Variants in DCLK1 observed in about 807,000 individuals in gnomAD.
DCLK1 encodes the protein doublecortin like kinase 1.
Under a neutral mutation model 86.2 loss-of-function variants are expected in DCLK1, and 16 were observed. The ratio of observed to expected loss-of-function variants is 0.19; its 90% CI spans 0.13 to 0.28. The LOEUF is 0.28. Among genes scored for constraint, DCLK1 ranks in the 10% least tolerant of loss-of-function variants. DCLK1 has a pLI of 1.00. For missense variants in DCLK1, 590 were observed against 940.2 expected, an observed-to-expected ratio of 0.63 and a Z score of 4.87; for synonymous variants, 369 against 370.5, an observed-to-expected ratio of 1.00 and a Z score of 0.05.
intron 4 of DCLK1, among the ~76,000 whole-genome samples, chr13:35,918,892 G>GTTTTTTTTTGTTTTT (rs1875603902): frequency 2.6e-5 from 2 of 76,324 alleles, no homozygotes; most frequent in South Asian, 5.9e-4. Flanking sequence ...TTCTGAGTGT[G>GTTTTTTTTTGTTTTT]TTTTTTTTTT....
chr13:35,895,297 A>C (rs1456376908), intron 4 of DCLK1, among the ~76,000 whole-genome samples: 1 of 152,066 alleles, frequency 6.6e-6, no homozygotes, highest in African/African-American at 2.4e-5. Context: ...TAAAAAAAAA[A>C]AAAAATTAGA....
At chr13:35,888,694 T>C (rs1421449500) in intron 4 of DCLK1, among the ~76,000 whole-genome samples, 2 of 152,234 alleles carry the variant, frequency 1.3e-5, no homozygotes, top group African/African-American at 4.8e-5. Context: ...CCAAGACGCC[T>C]GAAATCAGAT....
rs530473017 is a variant in DCLK1 at position 36,023,684 on chromosome 13, A to G, written c.724-76227T>C. The stretch of plus-strand genomic sequence containing the variant: ...GAAAAAAACCCACTTGAGCATCTCA[A>G]TATAAGTAGAAAAACCATCTGAGAA... On this transcript the variant is annotated intron_variant, in intron 3 of 16. Transcript: ENST00000360631. 1.7e-3 allele frequency among the ~76,000 whole-genome samples: 256 copies of G among 152,294 alleles called. 1 individual carries two copies. The highest frequency in any genetic ancestry group is 5.9e-3 in the African/African-American group (245 of 41,574).
rs546862096 is a variant in DCLK1 at position 35,937,905 on chromosome 13, G to A, written c.823+9453C>T. Among the ~76,000 whole-genome samples the A allele has an allele frequency of 8.2e-4, 124 of 152,132 alleles. 1 individual carries two copies. Among genetic ancestry groups the A allele is most frequent in the Non-Finnish European group, 1.4e-3 (95 of 68,022 alleles). ...TGTGGTTTGGTGAGATGACAGAGAT[G>A]ACTGGAGGCTCTTTTAGGATAGGAG... On this transcript the variant is annotated intron_variant, in intron 4 of 16. Transcript: ENST00000360631.
chr13:35,779,278 T>G (rs576569498), intron 16 of DCLK1, among the ~76,000 whole-genome samples: 33 of 152,290 alleles, frequency 2.2e-4, no homozygotes, highest in South Asian at 1.2e-3. Context: ...GCCCGGCCAA[T>G]TTATTTATTC....
intron 3 of DCLK1, among the ~76,000 whole-genome samples, chr13:36,049,192 A>T (rs1229686663): frequency 6.6e-6 from 1 of 152,164 alleles, no homozygotes; most frequent in Non-Finnish European, 1.5e-5. Context: ...TGATTATGAG[A>T]TGCAGGATTG....
chr13:35,901,491 C>CAAAAAAAAA lies in DCLK1; in HGVS notation c.824-30160_824-30152dup, dbSNP rs58801666. Among the ~76,000 whole-genome samples, 10 of 45,876 alleles carry CAAAAAAAAA rather than the reference C, an allele frequency of 2.2e-4. 2 individuals are homozygous for CAAAAAAAAA. The highest frequency in any genetic ancestry group is 1.9e-3 in the South Asian group (1 of 524). The allele number at this position is 45,876 out of a possible 152,430, so 30.1% of individuals were successfully genotyped here. ...GGTGACAGAGTGAGAGACTCTGTCT[C>CAAAAAAAAA]AAAAAAAAAAAAAAAAAAAAAAAAA... On this transcript the variant is annotated intron_variant, in intron 4 of 16. Coordinates refer to ENST00000360631, the MANE Select transcript of DCLK1 (RefSeq NM_001330071.2).
chr13:36,053,364 G>C (rs1220749175), intron 3 of DCLK1, among the ~76,000 whole-genome samples: 2 of 152,046 alleles, frequency 1.3e-5, no homozygotes, highest in African/African-American at 4.8e-5. Context: ...AAGTCAAGTA[G>C]AACAAGGGCT....
At position 35,893,488 on chromosome 13, in the gene DCLK1, C is replaced by T. The variant is rs144070605; in HGVS notation, c.824-22148G>A. ...GGTTGAGCATCCCTGACCTGAAAATCCAAAATCTGAAATGCTTCAAAATCC... is the reference window on the plus strand; with the variant it reads ...GGTTGAGCATCCCTGACCTGAAAATTCAAAATCTGAAATGCTTCAAAATCC... On this transcript the variant is annotated intron_variant, in intron 4 of 16. Transcript: ENST00000360631. 2.8e-3 allele frequency among the ~76,000 whole-genome samples: 429 copies of T among 152,286 alleles called. 5 individuals carry two copies. Among genetic ancestry groups the T allele is most frequent in the African/African-American group, 9.8e-3 (406 of 41,558 alleles).
chr13:35,929,220 C>G (rs942847937), intron 4 of DCLK1, among the ~76,000 whole-genome samples: 10 of 152,170 alleles, frequency 6.6e-5, no homozygotes, highest in African/African-American at 2.4e-4. Flanking sequence ...AAAGCTTATA[C>G]TAATCTTCTA....
intron 14 of DCLK1, 73 bp from the exon 15 acceptor site, chr13:35,805,852 T>C: frequency 1.4e-6 from 2 of 1,384,030 alleles, no homozygotes; most frequent in Non-Finnish European, 2.0e-6. Context: ...AATGCAAGAG[T>C]TCTCTTTTAG....
Position 35,847,061 on chromosome 13 carries a change from T to C in DCLK1, c.1035+7438A>G, listed in dbSNP as rs942737739. On this transcript the variant is annotated intron_variant, in intron 6 of 16. Coordinates refer to ENST00000360631, the MANE Select transcript of DCLK1 (RefSeq NM_001330071.2). The stretch of plus-strand genomic sequence containing the variant: ...TTAGAGTATAGTGATTGGCAACCAC[T>C]ACAAGCCATCCATACACACACAATA... The C allele has an allele frequency of 5.1e-6, 5 of 985,070 alleles. No homozygotes were observed. The African/African-American group carries it at 7.0e-5, about 14-fold the overall frequency. 61.0% of individuals were successfully genotyped at this position (985,070 alleles called of 1,614,324 possible).
intron 15 of DCLK1, among the ~76,000 whole-genome samples, chr13:35,802,705 T>C (rs1029160362): frequency 2.6e-5 from 4 of 152,026 alleles, no homozygotes; most frequent in Non-Finnish European, 5.9e-5. Context: ...AAAGATAAAA[T>C]GCCTAAATAA....
Position 35,779,425 on chromosome 13 carries a change from A to C in DCLK1, c.2059-4726T>G, listed in dbSNP as rs1302586310. 2.0e-5 allele frequency among the ~76,000 whole-genome samples: 3 copies of C among 152,336 alleles called. No homozygotes were observed. The South Asian group carries it at 6.2e-4, about 32-fold the overall frequency. On this transcript the variant is annotated intron_variant, in intron 16 of 16. Coordinates refer to ENST00000360631, the MANE Select transcript of DCLK1 (RefSeq NM_001330071.2). ...ATTATTTTTCTTTGCATATTCCCCA[A>C]ATACCTTGCCAACTACTCTATGGTA...
chr13:35,967,940 G>C (rs1878865716), intron 3 of DCLK1, among the ~76,000 whole-genome samples: 1 of 152,078 alleles, frequency 6.6e-6, no homozygotes, highest in African/African-American at 2.4e-5. Flanking sequence ...AGAATCACTT[G>C]AATCTGGGAG....
In DCLK1 at chr13:35,808,304, C is replaced by T; in HGVS notation, c.1783G>A (p.Glu595Lys). ...ATCAAAATCTGATCAAAAAGCACCT[C>T]CTGGTCATCACCACTTCTGTTTAGG... ...PPFRGSGDDQ[E>K]VLFDQILMGQ... Residue 595 changes from glutamate (E) to lysine (K), a missense_variant, in exon 14 of 17, where the codon GAG (glutamate) becomes AAG (lysine). Around this residue, in one of 6 missense-constraint regions of DCLK1, gnomAD observed 146 missense variants for 190.2 expected, o/e 0.77. Transcript: ENST00000360631. The T allele has an allele frequency of 6.2e-7, 1 of 1,614,092 alleles. No homozygotes were observed. The highest frequency in any genetic ancestry group is 1.1e-5 in the South Asian group (1 of 91,086).
chr13:35,850,803 T>C, intron 6 of DCLK1: 1 of 1,558,012 alleles, frequency 6.4e-7, no homozygotes, highest in Non-Finnish European at 8.7e-7. Context: ...AGTATAGATT[T>C]GTTTACTCGG....
chr13:35,903,423 C>T (rs1254014156), intron 4 of DCLK1, among the ~76,000 whole-genome samples: 2 of 151,570 alleles, frequency 1.3e-5, no homozygotes, highest in African/African-American at 2.4e-5. Context: ...AATATGCTTC[C>T]TCTCTCTCTC....
intron 3 of DCLK1, among the ~76,000 whole-genome samples, chr13:35,955,944 G>T (rs1038289589): frequency 3.3e-5 from 5 of 152,184 alleles, no homozygotes; most frequent in African/African-American, 1.2e-4. Flanking sequence ...CTGGGAAAGA[G>T]AGGTATGAAG....
Sources: gnomAD v4.1 joint callset for allele counts (sites outside exome capture counted in the v4.1 genomes callset) on GRCh38, gnomAD v4.1.1 for gene constraint, gnomAD v4.1.1 regional missense constraint, MANE v1.5 for transcripts, NCBI Gene and HGNC (gene_info 2026-07-23, HGNC 2026-07-21) for gene names.